NBPF26: variants seen among roughly 807,000 people sequenced by gnomAD.
The protein encoded by NBPF26 is NBPF family member NBPF26.
NBPF26 carries 79 observed loss-of-function variants against 119.6 expected under a neutral mutation model. The ratio of observed to expected loss-of-function variants is 0.66; its 90% CI spans 0.55 to 0.80. The LOEUF is 0.80. Ranked by LOEUF, NBPF26 falls within the 30% of genes least tolerant of loss-of-function variation. NBPF26 has a pLI of 0.00. For missense variants in NBPF26, 800 were observed against 1,198.2 expected (o/e 0.67, Z 4.91); for synonymous variants, 299 against 457.7 (o/e 0.65, Z 4.43).
intron 1 of NBPF26, among the ~76,000 whole-genome samples, chr1:120,756,344 T>G (rs1476471530): frequency 8.5e-6 from 1 of 117,368 alleles, no homozygotes. Context: ...CTCTCAAATA[T>G]TGCTACTTGA....
chr1:120,759,669 A>T lies in NBPF26; in HGVS notation c.74-3959A>T, dbSNP rs1186848496. Among the ~76,000 whole-genome samples the T allele has an allele frequency of 2.9e-5, 3 of 102,654 alleles. 1 individual carries two copies. The highest frequency in any genetic ancestry group is 2.0e-4 in the African/African-American group (3 of 15,196). 67.3% of individuals were successfully genotyped at this position (102,654 alleles called of 152,430 possible). On this transcript the variant is annotated intron_variant, in intron 1 of 29. Transcript: ENST00000620612. Reference sequence around the variant, plus strand: ...TAGTATTCATTTTTGCTCCTGAGTAAAGCCACAAGTCTCAAGATTATTTTT... The same window carrying T: ...TAGTATTCATTTTTGCTCCTGAGTATAGCCACAAGTCTCAAGATTATTTTT...
chr1:120,781,850 A>T (rs1259670803), intron 2 of NBPF26, among the ~76,000 whole-genome samples: 1 of 117,352 alleles, frequency 8.5e-6, no homozygotes, highest in East Asian at 2.1e-4. Context: ...GAGCCACCGC[A>T]CCTGGCTTAG....
At position 120,823,749 on chromosome 1, in the gene NBPF26, G is replaced by C. The variant is rs1473279772; in HGVS notation, c.2640-225G>C. 2.2e-4 allele frequency among the ~76,000 whole-genome samples: 7 copies of C among 31,698 alleles called. 2 individuals carry two copies. Among genetic ancestry groups the C allele is most frequent in the Non-Finnish European group, 3.7e-4 (6 of 16,178 alleles). 20.8% of individuals were successfully genotyped at this position (31,698 alleles called of 152,430 possible). A position where few individuals can be genotyped will look rare whatever the true frequency, so the allele number is the denominator to read the frequency against. ...GTCACCTGACCAATTCACTGAGCTC[G>C]CTCTGTGTGTGTGTGTGTGTGTGTG... is the stretch of plus-strand genomic sequence containing the variant. On this transcript the variant is annotated intron_variant, in intron 17 of 29. Transcript: ENST00000620612.
At position 120,728,780 on chromosome 1, in the gene NBPF26, A is replaced by G. The variant is rs1204138511; in HGVS notation, c.73+4530A>G. Among the ~76,000 whole-genome samples, 4 of 115,642 alleles carry G rather than the reference A, an allele frequency of 3.5e-5. 2 individuals carry two copies. The highest frequency in any genetic ancestry group is 2.0e-4 in the African/African-American group (4 of 19,584). The allele number at this position is 115,642 out of a possible 152,430, so 75.9% of individuals were successfully genotyped here. Reference sequence around the variant, plus strand: ...GATATTGCAAACTTGTACTGGATTGAGAGAATATGTACATTTAGTAAAGTA... The same window carrying G: ...GATATTGCAAACTTGTACTGGATTGGGAGAATATGTACATTTAGTAAAGTA... On this transcript the variant is annotated intron_variant, in intron 1 of 29. Coordinates refer to ENST00000620612, the Ensembl canonical transcript of NBPF26.
At chr1:120,793,390 C>T (rs1651515751) in exon 4 of NBPF26, 4 of 1,435,966 alleles carry the variant, frequency 2.8e-6, no homozygotes, top group Middle Eastern at 1.8e-4. Flanking sequence ...GCTTCACAGG[C>T]CAGTACTGTG....
chr1:120,756,658 A>T (rs1376093986), intron 1 of NBPF26, among the ~76,000 whole-genome samples: 1 of 118,204 alleles, frequency 8.5e-6, no homozygotes, highest in Non-Finnish European at 1.6e-5. Flanking sequence ...TACAGACTTA[A>T]TTACTCATGT....
chr1:120,801,745 C>T lies in NBPF26; in HGVS notation c.752-3811C>T, dbSNP rs1206727812. ...TTGGAAAGCTGAGGCAGGAGGATCG[C>T]TTGAGCCTAGGAGTTCAAGGTTGCA... On this transcript the variant is annotated intron_variant, in intron 4 of 29. Coordinates refer to ENST00000620612, the Ensembl canonical transcript of NBPF26. Among the ~76,000 whole-genome samples the T allele has an allele frequency of 1.3e-4, 12 of 94,198 alleles. 3 individuals are homozygous for T. Among genetic ancestry groups the T allele is most frequent in the African/African-American group, 3.5e-4 (5 of 14,440 alleles). The allele number at this position is 94,198 out of a possible 152,430, so 61.8% of individuals were successfully genotyped here. A position where few individuals can be genotyped will look rare whatever the true frequency, so the allele number is the denominator to read the frequency against.
chr1:120,816,767 T>G (rs1652016416), exon 14 of NBPF26: 1 of 1,411,914 alleles, frequency 7.1e-7, no homozygotes, highest in Admixed American at 2.1e-5. Context: ...CAAAGTCGAC[T>G]CAACTCTCAT....
downstream of NBPF26, chr1:120,840,644 G>A (rs1553273613): frequency 1.9e-3 from 2,744 of 1,448,260 alleles, 580 homozygotes; most frequent in South Asian, 0.031. Context: ...GGACCTATAG[G>A]CACGTGAAGA....
In NBPF26 at chr1:120,779,573, C is replaced by T. The variant is rs1245884063; in HGVS notation, c.156-5401C>T. 2.5e-4 allele frequency among the ~76,000 whole-genome samples: 30 copies of T among 120,768 alleles called. 2 individuals carry two copies. The East Asian group carries it at 4.5e-3, about 18-fold the overall frequency. 79.2% of individuals were successfully genotyped at this position (120,768 alleles called of 152,430 possible). On this transcript the variant is annotated intron_variant, in intron 2 of 29. Transcript: ENST00000620612. ...GGAGGGAAACATTCATATAGTTTTGCGGATGAAAGGCATCTGTTAGATTTT... is the reference window on the plus strand; with the variant it reads ...GGAGGGAAACATTCATATAGTTTTGTGGATGAAAGGCATCTGTTAGATTTT...
At position 120,743,822 on chromosome 1, in the gene NBPF26, C is replaced by CAA. The variant is rs1246208929; in HGVS notation, c.73+19574_73+19575dup. On this transcript the variant is annotated intron_variant, in intron 1 of 29. Transcript: ENST00000620612. ...TGTGCTTAGATAAAAGCACATTTAA[C>CAA]AAATAGGTTTTGCATTTTTTTAGCA... Among the ~76,000 whole-genome samples the CAA allele has an allele frequency of 6.3e-5, 8 of 127,330 alleles. 3 individuals are homozygous for CAA. The highest frequency in any genetic ancestry group is 3.2e-4 in the Admixed American group (4 of 12,336). 83.5% of individuals were successfully genotyped at this position (127,330 alleles called of 152,430 possible). A position where few individuals can be genotyped will look rare whatever the true frequency, so the allele number is the denominator to read the frequency against.
chr1:120,770,280 C>G (rs1651247889), intron 2 of NBPF26, among the ~76,000 whole-genome samples: 1 of 107,280 alleles, frequency 9.3e-6, no homozygotes, highest in Non-Finnish European at 1.7e-5. Context: ...TGCCATTCTC[C>G]TGCCTCAGCC....
At position 120,761,221 on chromosome 1, in the gene NBPF26, T is replaced by A. The variant is rs1651133692; in HGVS notation, c.74-2407T>A. On this transcript the variant is annotated intron_variant, in intron 1 of 29. Transcript: ENST00000620612. ...TGTAATGATTTGTCAGGACACTTAA[T>A]AGGAACAGGCCGTGATTTTTGCACC... 3.3e-5 allele frequency among the ~76,000 whole-genome samples: 4 copies of A among 122,792 alleles called. No individual in the cohort carries two copies. In the South Asian group the frequency reaches 9.9e-4, roughly 30 times the overall value. 80.6% of individuals were successfully genotyped at this position (122,792 alleles called of 152,430 possible). A position where few individuals can be genotyped will look rare whatever the true frequency, so the allele number is the denominator to read the frequency against.
chr1:120,790,010 C>CTTTT (rs1174501165), intron 3 of NBPF26, among the ~76,000 whole-genome samples: 10 of 34,962 alleles, frequency 2.9e-4, no homozygotes, highest in Non-Finnish European at 5.0e-4. Flanking sequence ...TTCTGATCAC[C>CTTTT]TTTTTTTTTT....
intron 5 of NBPF26, among the ~76,000 whole-genome samples, 171 bp downstream of exon 5, chr1:120,805,936 T>C (rs1332471614): frequency 9.0e-6 from 1 of 111,380 alleles, no homozygotes; most frequent in East Asian, 2.1e-4. Flanking sequence ...GGTACCAAAA[T>C]ATTTAGCAAC....
chr1:120,745,134 C>CAA (rs1287143211), intron 1 of NBPF26, among the ~76,000 whole-genome samples: 4 of 82,296 alleles, frequency 4.9e-5, no homozygotes, highest in Non-Finnish European at 4.3e-5. Context: ...AAAAAAAAAA[C>CAA]AAAAAAAAAA....
At chr1:120,740,146 G>A (rs1364450143) in intron 1 of NBPF26, among the ~76,000 whole-genome samples, 1 of 132,422 alleles carries the variant, frequency 7.6e-6, no homozygotes, top group African/African-American at 2.9e-5. Context: ...AACTGATTTG[G>A]TTGGATTATT....
rs1458235117 is a variant in NBPF26 at position 120,804,235 on chromosome 1, C to T, written c.752-1321C>T. ...TCTCTCAAGTTCCAGGCTCACAAAACGTAGGTGGGGATGAAAGCTGAGAAA... is the reference window on the plus strand; with the variant it reads ...TCTCTCAAGTTCCAGGCTCACAAAATGTAGGTGGGGATGAAAGCTGAGAAA... On this transcript the variant is annotated intron_variant, in intron 4 of 29. Transcript: ENST00000620612. 2.5e-5 allele frequency among the ~76,000 whole-genome samples: 2 copies of T among 79,050 alleles called. 1 individual carries two copies. Among genetic ancestry groups the T allele is most frequent in the African/African-American group, 2.2e-4 (2 of 8,948 alleles). The allele number at this position is 79,050 out of a possible 152,430, so 51.9% of individuals were successfully genotyped here.
At chr1:120,770,100 G>A (rs1651245401) in intron 2 of NBPF26, among the ~76,000 whole-genome samples, 2 of 108,954 alleles carry the variant, frequency 1.8e-5, no homozygotes, top group East Asian at 4.3e-4. Flanking sequence ...GTATGGTTCA[G>A]CCTGCACTGG....
Sources: allele counts gnomAD v4.1 joint callset (sites outside exome capture counted in the v4.1 genomes callset), GRCh38; gene constraint gnomAD v4.1.1; transcripts MANE v1.5; gene names NCBI Gene and HGNC (gene_info 2026-07-23, HGNC 2026-07-21).